The following PVT1 variants were observed in gnomAD, a reference collection of about 807,000 sequenced individuals.
The protein encoded by PVT1 is Pvt1 oncogene, also known as CXCR4/PVT1 fusion.
intron 2 of PVT1, among the ~76,000 whole-genome samples, chr8:127,817,059 C>T (rs1814669787): frequency 6.6e-6 from 1 of 150,460 alleles, no homozygotes; most frequent in African/African-American, 2.4e-5. Context: ...TTTCATACAT[C>T]TGGTTGCCTA....
At chr8:127,836,658 T>C (rs146118057) in intron 2 of PVT1, among the ~76,000 whole-genome samples, 2 of 151,940 alleles carry the variant, frequency 1.3e-5, no homozygotes, top group African/African-American at 2.4e-5. Flanking sequence ...CGTAAAAGAG[T>C]GCTTACAGTG....
At chr8:127,964,439 C>T (rs1586458519) in intron 3 of PVT1, among the ~76,000 whole-genome samples, 1 of 152,362 alleles carries the variant, frequency 6.6e-6, no homozygotes, top group Admixed American at 6.5e-5. Flanking sequence ...CACTGGGCTT[C>T]AGACCCTCCA....
At chr8:127,818,955 A>G (rs899767278) in intron 2 of PVT1, among the ~76,000 whole-genome samples, 2 of 152,154 alleles carry the variant, frequency 1.3e-5, no homozygotes, top group East Asian at 1.9e-4. Flanking sequence ...GCCAGGCTCA[A>G]GGGATACTCC....
intron 4 of PVT1, among the ~76,000 whole-genome samples, chr8:128,025,716 A>G (rs555400398): frequency 2.0e-5 from 3 of 152,350 alleles, no homozygotes; most frequent in Non-Finnish European, 4.4e-5. Context: ...TTACTAAGTC[A>G]GAGCATTGCA....
At chr8:128,094,926 C>T (rs931530331) in intron 5 of PVT1, among the ~76,000 whole-genome samples, 1 of 152,304 alleles carries the variant, frequency 6.6e-6, no homozygotes, top group Admixed American at 6.5e-5. Flanking sequence ...AAATCCATTG[C>T]GTCTTTTGCG....
chr8:127,829,223 G>A (rs560725301), intron 2 of PVT1, among the ~76,000 whole-genome samples: 277 of 152,268 alleles, frequency 1.8e-3, no homozygotes, highest in African/African-American at 6.4e-3. Flanking sequence ...GTTGCAGTGA[G>A]CCAAGATCAC....
At chr8:128,068,781 T>G (rs528565495) in intron 4 of PVT1, among the ~76,000 whole-genome samples, 4 of 152,332 alleles carry the variant, frequency 2.6e-5, no homozygotes, top group Admixed American at 1.3e-4. Flanking sequence ...CGTGAGCCAC[T>G]GCACCCGGCC....
chr8:128,060,687 C>T (rs138497764), intron 4 of PVT1, among the ~76,000 whole-genome samples: 1 of 152,248 alleles, frequency 6.6e-6, no homozygotes, highest in Non-Finnish European at 1.5e-5. Flanking sequence ...GTTAAACTTC[C>T]GATGAAGGAA....
intron 3 of PVT1, among the ~76,000 whole-genome samples, chr8:127,918,738 G>A (rs992877558): frequency 6.6e-6 from 1 of 152,214 alleles, no homozygotes; most frequent in African/African-American, 2.4e-5. Flanking sequence ...AAAGGGTCAG[G>A]TTAGGTTGTG....
In PVT1 at chr8:127,843,185, A is replaced by G. The variant is rs533616502; in HGVS notation, n.372+47114A>G. 9.7e-4 allele frequency among the ~76,000 whole-genome samples: 147 copies of G among 152,182 alleles called. 1 individual carries two copies. Among genetic ancestry groups the G allele is most frequent in the Admixed American group, 2.0e-3 (31 of 15,288 alleles). ...AACCTGGGCAACATGGCAAAACCCC[A>G]TTTCTACTAAAAATACAAAAATTAG... On this transcript the variant is annotated intron_variant and non_coding_transcript_variant, in intron 2 of 10. Transcript: ENST00000651587.
chr8:127,906,037 T>C (rs539844140), intron 3 of PVT1, among the ~76,000 whole-genome samples: 2 of 152,328 alleles, frequency 1.3e-5, no homozygotes, highest in South Asian at 2.1e-4. Flanking sequence ...CAAGTATCCA[T>C]GAAGCCTGGT....
At chr8:127,852,234 T>C (rs1815113986) in intron 2 of PVT1, 1 of 152,280 alleles carries the variant, frequency 6.6e-6, no homozygotes, top group Non-Finnish European at 1.5e-5. Context: ...GATCAGCAGC[T>C]TCCAAGGCAG....
chr8:127,911,867 C>T (rs190109134), intron 3 of PVT1, among the ~76,000 whole-genome samples: 1 of 152,334 alleles, frequency 6.6e-6, no homozygotes. Context: ...TAGGCGATGG[C>T]CAAAAGAACA....
At chr8:128,091,765 G>A (rs142889652) in intron 5 of PVT1, among the ~76,000 whole-genome samples, 137 of 152,282 alleles carry the variant, frequency 9.0e-4, no homozygotes, top group Non-Finnish European at 4.6e-4. Context: ...ATAAATTTTT[G>A]TAAAGTTGTG....
chr8:128,093,473 C>T (rs1314305811), intron 5 of PVT1, among the ~76,000 whole-genome samples: 2 of 152,198 alleles, frequency 1.3e-5, no homozygotes, highest in Non-Finnish European at 2.9e-5. Flanking sequence ...AGGAGAATCT[C>T]TTGAACATGG....
At chr8:128,014,860 T>G (rs1416570046) in intron 4 of PVT1, among the ~76,000 whole-genome samples, 1 of 152,174 alleles carries the variant, frequency 6.6e-6, no homozygotes, top group Non-Finnish European at 1.5e-5. Context: ...GCCCTGAACT[T>G]TCTTCATCTG....
intron 2 of PVT1, chr8:127,803,636 C>A (rs892780665): frequency 6.6e-6 from 1 of 152,228 alleles, no homozygotes; most frequent in South Asian, 2.1e-4. Flanking sequence ...TGCCTGTAAT[C>A]CCATCACTTT....
chr8:127,856,646 C>G (rs1815163913), intron 2 of PVT1, among the ~76,000 whole-genome samples: 1 of 152,224 alleles, frequency 6.6e-6, no homozygotes, highest in South Asian at 2.1e-4. Context: ...CAGCCCCAGC[C>G]AGCTATATTA....
At chr8:127,836,620 ACT>A (rs1379991870) in intron 2 of PVT1, among the ~76,000 whole-genome samples, 3 of 152,116 alleles carry the variant, frequency 2.0e-5, no homozygotes, top group Admixed American at 6.6e-5. Flanking sequence ...AATGGCAATA[ACT>A]CTGACTGCTA....
Sources: allele counts gnomAD v4.1 joint callset (sites outside exome capture counted in the v4.1 genomes callset), GRCh38; gene constraint gnomAD v4.1.1; transcripts MANE v1.5; gene names NCBI Gene and HGNC (gene_info 2026-07-23, HGNC 2026-07-21).